The following MEPCE variants were observed in gnomAD, a reference collection of about 807,000 sequenced individuals.
MEPCE encodes the protein 7SK snRNA methylphosphate capping enzyme.
Under a neutral mutation model 52.3 loss-of-function variants are expected in MEPCE, and 9 were observed. The observed-to-expected ratio is 0.17, with a 90% CI of 0.10 to 0.30. The LOEUF is 0.30. Among genes scored for constraint, MEPCE ranks in the 10% least tolerant of loss-of-function variants. MEPCE has a pLI of 1.00. For missense variants in MEPCE, 826 were observed against 933.0 expected, an observed-to-expected ratio of 0.89 and a Z score of 1.49; for synonymous variants, 477 against 401.6, an observed-to-expected ratio of 1.19 and a Z score of -2.25.
rs1199458289 is a variant in MEPCE at position 100,431,161 on chromosome 7, G to C, written c.1143G>C (p.Gln381His). ...KSEAGARGGGQGSKEKGRGSW... is the reference protein window; with the variant it reads ...KSEAGARGGGHGSKEKGRGSW... ...AGGCAGGGGCTAGGGGTGGAGGCCA[G>C]GGTTCCAAGGAAAAGGGCCGAGGGA... The change falls in exon 1 of 4, where the codon CAG becomes CAC. Residue 381 changes from glutamine to histidine, a missense_variant. Gln to His is a conservative substitution (Grantham distance 24). Coordinates refer to ENST00000310512, the MANE Select transcript of MEPCE (RefSeq NM_019606.6). 6.2e-7 allele frequency: 1 copy of C among 1,613,548 alleles called. No individual in the cohort carries two copies. The highest frequency in any genetic ancestry group is 8.5e-7 in the Non-Finnish European group (1 of 1,180,040).
rs772272730 is a variant in MEPCE at position 100,433,492 on chromosome 7, C to G, written c.2018-10C>G. On this transcript the variant is annotated splice_polypyrimidine_tract_variant and intron_variant, in intron 3 of 3. Transcript: ENST00000310512. The stretch of plus-strand genomic sequence containing the variant: ...TGCCAACCCCTTCTGATCACTCTCT[C>G]TCCCCTCAGGCTTCCAGCGTCCTGT... 4.3e-6 allele frequency: 7 copies of G among 1,614,076 alleles called. No homozygotes were observed. The highest frequency in any genetic ancestry group is 5.9e-6 in the Non-Finnish European group (7 of 1,179,990).
upstream of MEPCE, chr7:100,429,684 A>C: frequency 1.2e-5 from 3 of 252,876 alleles, no homozygotes; most frequent in Non-Finnish European, 7.5e-6. Context: ...GCGCGCAACC[A>C]GGGTGGTGGC....
rs763723326 is a variant in MEPCE at position 100,430,322 on chromosome 7, G to C, written c.304G>C (p.Asp102His). The change falls in exon 1 of 4, where the codon GAT becomes CAT. Residue 102 changes from aspartate to histidine, a missense_variant. Asp to His is a moderately conservative substitution (Grantham distance 81). This residue lies in a region of MEPCE where 314 missense variants were observed against 277.7 expected (regional missense o/e 1.13). Transcript: ENST00000310512. ...AQSHGEARLS[D>H]PPGRAAPPDV... ...GTCGCATGGGGAGGCCCGCCTGTCGGATCCCCCGGGGCGAGCCGCTCCCCC... is the reference window on the plus strand; with the variant it reads ...GTCGCATGGGGAGGCCCGCCTGTCGCATCCCCCGGGGCGAGCCGCTCCCCC... 264 of 1,419,796 alleles carry C rather than the reference G, an allele frequency of 1.9e-4. No individual in the cohort carries two copies. The highest frequency in any genetic ancestry group is 7.5e-4 in the Middle Eastern group (3 of 4,004). 87.9% of individuals were successfully genotyped at this position (1,419,796 alleles called of 1,614,324 possible).
rs936463127 is a variant in MEPCE, at chr7:100,433,205, C to T, written c.1891-58C>T. On this transcript the variant is annotated intron_variant, in intron 2 of 3. Coordinates refer to ENST00000310512, the MANE Select transcript of MEPCE (RefSeq NM_019606.6). ...CAAGAAAAGGCCCCGAGGTGGGCAT[C>T]GCCCTTGGCCAGGGGAGGCGGCAGC... 12 of 1,613,174 alleles carry T rather than the reference C, an allele frequency of 7.4e-6. No homozygotes were observed. The South Asian group carries it at 7.7e-5, about 10-fold the overall frequency.
In MEPCE at chr7:100,429,919, C is replaced by A; in HGVS notation, c.-100C>A. 1.0e-6 allele frequency: 1 copy of A among 958,976 alleles called. No homozygotes were observed. Among genetic ancestry groups the A allele is most frequent in the Non-Finnish European group, 1.4e-6 (1 of 739,914 alleles). 59.4% of individuals were successfully genotyped at this position (958,976 alleles called of 1,614,324 possible). A position where few individuals can be genotyped will look rare whatever the true frequency, so the allele number is the denominator to read the frequency against. ...TAGGCGTGAAGAGCAGAGCTGCGCG[C>A]GCACTCGGGAAAGGGGGGAAGGGAG... On this transcript the variant is annotated 5_prime_UTR_variant, in exon 1 of 4. Transcript: ENST00000310512.
Position 100,431,024 on chromosome 7 carries a change from C to G in MEPCE, c.1006C>G (p.Leu336Val). 6.2e-7 allele frequency: 1 copy of G among 1,613,924 alleles called. No homozygotes were observed. The highest frequency in any genetic ancestry group is 8.5e-7 in the Non-Finnish European group (1 of 1,180,020). ...AGTGGTGTCTCCCCTTCCATCTGCTCTGCAGGGTCCCTCAGGCTCCCTATC... is the reference window on the plus strand; with the variant it reads ...AGTGGTGTCTCCCCTTCCATCTGCTGTGCAGGGTCCCTCAGGCTCCCTATC... ...DEVVSPLPSA[L>V]QGPSGSLSAP... The change falls in exon 1 of 4, where the codon CTG becomes GTG. Residue 336 changes from leucine (L) to valine (V), a missense_variant. Physicochemically the swap from Leu to Val is conservative, Grantham distance 32 (BLOSUM62 1). This residue lies in a region of MEPCE where 307 missense variants were observed against 292.1 expected (regional missense o/e 1.05). Transcript: ENST00000310512.
In MEPCE at chr7:100,430,732, G is replaced by T. The variant is rs755504576; in HGVS notation, c.714G>T (p.Pro238=). ...TCATCCCCAAAGATATTACTGACCC[G>T]CTCAGTCTCAATACTTGCACTGATG... ...EILIPKDITD[P]LSLNTCTDEG... The change falls in exon 1 of 4, where the codon CCG becomes CCT. Residue 238 remains proline, a synonymous_variant. Coordinates refer to ENST00000310512, the MANE Select transcript of MEPCE (RefSeq NM_019606.6). 5.0e-6 allele frequency: 8 copies of T among 1,613,858 alleles called. 1 individual carries two copies. The South Asian group carries it at 6.6e-5, about 13-fold the overall frequency.
chr7:100,433,570 GA>G lies in MEPCE; in HGVS notation c.*19del. 6.3e-7 allele frequency: 1 copy of G among 1,595,172 alleles called. No homozygotes were observed. Among genetic ancestry groups the G allele is most frequent in the Non-Finnish European group, 8.5e-7 (1 of 1,179,260 alleles). ...CAGCCACTAAGTGGCCCCCTAAACA[GA>G]AAGTGTGAAGAGGCTGCCCTCGCTG... On this transcript the variant is annotated 3_prime_UTR_variant, in exon 4 of 4. Coordinates refer to ENST00000310512, the MANE Select transcript of MEPCE (RefSeq NM_019606.6).
In MEPCE at chr7:100,433,696, C is replaced by T; in HGVS notation, c.*142C>T. 4.7e-6 allele frequency: 4 copies of T among 851,616 alleles called. No individual in the cohort carries two copies. The highest frequency in any genetic ancestry group is 7.3e-6 in the Non-Finnish European group (4 of 551,648). The allele number at this position is 851,616 out of a possible 1,614,324, so 52.8% of individuals were successfully genotyped here. ...TGGATCTGCAAAGAAAGCTTTTCTT[C>T]CGTCGCTGCCTCAGCCTCCTCCCTA... is the stretch of plus-strand genomic sequence containing the variant. On this transcript the variant is annotated 3_prime_UTR_variant, in exon 4 of 4. Transcript: ENST00000310512.
In MEPCE at chr7:100,433,647, G is replaced by A; in HGVS notation, c.*93G>A. 1.6e-6 allele frequency: 2 copies of A among 1,290,316 alleles called. No individual in the cohort carries two copies. Among genetic ancestry groups the A allele is most frequent in the Non-Finnish European group, 2.2e-6 (2 of 913,232 alleles). 79.9% of individuals were successfully genotyped at this position (1,290,316 alleles called of 1,614,324 possible). On this transcript the variant is annotated 3_prime_UTR_variant, in exon 4 of 4. Coordinates refer to ENST00000310512, the MANE Select transcript of MEPCE (RefSeq NM_019606.6). ...AAGTGTCCCAAGGTCTTTCCTTTCT[G>A]ACTCCAAAAATAGTTTCCTTTCTTG... is the stretch of plus-strand genomic sequence containing the variant.
chr7:100,431,467 C>T lies in MEPCE; in HGVS notation c.1449C>T (p.Ala483=), dbSNP rs771501668. The T allele has an allele frequency of 1.1e-5, 17 of 1,613,738 alleles. No individual in the cohort carries two copies. Among genetic ancestry groups the T allele is most frequent in the Middle Eastern group, 3.3e-4 (2 of 6,084 alleles). ...LDIDSRLIHS[A]RQNIRHYLSE... is the part of the protein sequence containing the mutation. ...TCGATTCCCGGCTCATCCATTCTGC[C>T]CGCCAAAACATCCGACACTACCTTT... The change falls in exon 1 of 4, where the codon GCC becomes GCT. Residue 483 remains alanine (A), a synonymous_variant. Coordinates refer to ENST00000310512, the MANE Select transcript of MEPCE (RefSeq NM_019606.6).
At position 100,430,027 on chromosome 7, in the gene MEPCE, G is replaced by C; in HGVS notation, c.9G>C (p.Glu3Asp). Residue 3 changes from glutamate (E) to aspartate (D), a missense_variant, in exon 1 of 4, where the codon GAG (glutamate) becomes GAC (aspartate). This residue lies in a region of MEPCE where 314 missense variants were observed against 277.7 expected (regional missense o/e 1.13). Transcript: ENST00000310512. The stretch of plus-strand genomic sequence containing the variant: ...CGGAATAAGGGGAGGAAATGATCGA[G>C]ATGGCGGCGGAGAAGGAGCCGTTTC... MI[E>D]MAAEKEPFLV... 7.9e-7 allele frequency: 1 copy of C among 1,272,578 alleles called. No individual in the cohort carries two copies. The highest frequency in any genetic ancestry group is 9.9e-7 in the Non-Finnish European group (1 of 1,009,862). The allele number at this position is 1,272,578 out of a possible 1,614,324, so 78.8% of individuals were successfully genotyped here.
chr7:100,433,428 C>T, intron 3 of MEPCE, 39 bp downstream of exon 3: 1 of 1,614,100 alleles, frequency 6.2e-7, no homozygotes, highest in Non-Finnish European at 8.5e-7. Context: ...CTGGTCCTGG[C>T]TGAAAGAGTG....
chr7:100,433,677 T>C lies in MEPCE; in HGVS notation c.*123T>C, dbSNP rs1798791087. 9.7e-7 allele frequency: 1 copy of C among 1,028,680 alleles called. No homozygotes were observed. Among genetic ancestry groups the C allele is most frequent in the Non-Finnish European group, 1.4e-6 (1 of 695,776 alleles). 63.7% of individuals were successfully genotyped at this position (1,028,680 alleles called of 1,614,324 possible). ...CAAAAATAGTTTCCTTTCTTGGATC[T>C]GCAAAGAAAGCTTTTCTTCCGTCGC... On this transcript the variant is annotated 3_prime_UTR_variant, in exon 4 of 4. Transcript: ENST00000310512.
rs187685854 is a variant in MEPCE, at chr7:100,433,718, C to T, written c.*164C>T. 2.8e-6 allele frequency: 2 copies of T among 705,412 alleles called. No individual in the cohort carries two copies. Among genetic ancestry groups the T allele is most frequent in the African/African-American group, 1.8e-5 (1 of 55,784 alleles). The allele number at this position is 705,412 out of a possible 1,614,324, so 43.7% of individuals were successfully genotyped here. A position where few individuals can be genotyped will look rare whatever the true frequency, so the allele number is the denominator to read the frequency against. On this transcript the variant is annotated 3_prime_UTR_variant, in exon 4 of 4. Transcript: ENST00000310512. Reference sequence around the variant, plus strand: ...CTTCCGTCGCTGCCTCAGCCTCCTCCCTATGCCTCTGGCACCTGCGCAGCA... The same window carrying T: ...CTTCCGTCGCTGCCTCAGCCTCCTCTCTATGCCTCTGGCACCTGCGCAGCA...
In MEPCE at chr7:100,429,900, T is replaced by G. The variant is rs1584320032; in HGVS notation, c.-119T>G. On this transcript the variant is annotated 5_prime_UTR_variant, in exon 1 of 4. Coordinates refer to ENST00000310512, the MANE Select transcript of MEPCE (RefSeq NM_019606.6). Reference sequence around the variant, plus strand: ...AGGCGCTTGGGCGCGAGACTAGGCGTGAAGAGCAGAGCTGCGCGCGCACTC... The same window carrying G: ...AGGCGCTTGGGCGCGAGACTAGGCGGGAAGAGCAGAGCTGCGCGCGCACTC... The G allele has an allele frequency of 1.2e-6, 1 of 812,046 alleles. No homozygotes were observed. The highest frequency in any genetic ancestry group is 1.6e-6 in the Non-Finnish European group (1 of 611,824). The allele number at this position is 812,046 out of a possible 1,614,324, so 50.3% of individuals were successfully genotyped here.
At chr7:100,431,798 T>C (rs1798717406) in intron 1 of MEPCE, 109 bp downstream of exon 1, 1 of 1,117,162 alleles carries the variant, frequency 9.0e-7, no homozygotes, top group Middle Eastern at 2.1e-4. Context: ...GGGGTCTGGG[T>C]TGGCAAGTGA....
Position 100,430,302 on chromosome 7 carries a change from A to T in MEPCE, c.284A>T (p.His95Leu), listed in dbSNP as rs1463863576. 24 of 1,417,292 alleles carry T rather than the reference A, an allele frequency of 1.7e-5. No individual in the cohort carries two copies. The South Asian group carries it at 3.2e-4, about 19-fold the overall frequency. The allele number at this position is 1,417,292 out of a possible 1,614,324, so 87.8% of individuals were successfully genotyped here. ...HRGGGPQAQS[H>L]GEARLSDPPG... ...GGGGGCGGCCCCCAGGCGCAGTCGCATGGGGAGGCCCGCCTGTCGGATCCC... is the reference window on the plus strand; with the variant it reads ...GGGGGCGGCCCCCAGGCGCAGTCGCTTGGGGAGGCCCGCCTGTCGGATCCC... The change falls in exon 1 of 4, where the codon CAT becomes CTT. Residue 95 changes from histidine (H) to leucine (L), a missense_variant. Around this residue, in one of 7 missense-constraint regions of MEPCE, gnomAD observed 314 missense variants for 277.7 expected, o/e 1.13. Transcript: ENST00000310512.
rs1798802845 is a variant in MEPCE at position 100,434,048 on chromosome 7, G to A, written c.*494G>A. On this transcript the variant is annotated 3_prime_UTR_variant, in exon 4 of 4. Coordinates refer to ENST00000310512, the MANE Select transcript of MEPCE (RefSeq NM_019606.6). ...AAATCCTTCCCTTTGCCCTCCCCCA[G>A]TGGGAGAGGGGGTTGGGTTTTCAAT... The A allele has an allele frequency of 6.3e-6, 1 of 159,296 alleles. No homozygotes were observed. 9.9% of individuals were successfully genotyped at this position (159,296 alleles called of 1,614,324 possible). A position where few individuals can be genotyped will look rare whatever the true frequency, so the allele number is the denominator to read the frequency against.
Sources: gnomAD v4.1 joint callset for allele counts on GRCh38, gnomAD v4.1.1 for gene constraint, gnomAD v4.1.1 regional missense constraint, MANE v1.5 for transcripts, NCBI Gene and HGNC (gene_info 2026-07-23, HGNC 2026-07-21) for gene names.